Variants in PPM1H observed in about 807,000 individuals in gnomAD.
The protein encoded by PPM1H is protein phosphatase 1H.
A neutral mutation model predicts 54.9 loss-of-function variants in PPM1H; 27 were observed. The observed-to-expected ratio is 0.49, with a 90% CI of 0.36 to 0.68. The LOEUF is 0.68. Ranked by LOEUF, PPM1H falls within the 30% of genes least tolerant of loss-of-function variation. The probability of loss-of-function intolerance (pLI) is 0.00; values close to 1 mark genes in which losing one functional copy is unlikely to be tolerated. For missense variants in PPM1H, 596 were observed against 667.8 expected, an observed-to-expected ratio of 0.89 and a Z score of 1.19; for synonymous variants, 305 against 270.8, an observed-to-expected ratio of 1.13 and a Z score of -1.24.
chr12:62,790,452 G>A lies in PPM1H; in HGVS notation c.757-2114C>T, dbSNP rs181330774. ...CTGGGTGTGGTGGCACATGCCTGTAGTCTTAGCTACTTGGGAGGCTGAGGA... is the reference window on the plus strand; with the variant it reads ...CTGGGTGTGGTGGCACATGCCTGTAATCTTAGCTACTTGGGAGGCTGAGGA... On this transcript the variant is annotated intron_variant, in intron 3 of 9. Transcript: ENST00000228705. 1.4e-3 allele frequency among the ~76,000 whole-genome samples: 216 copies of A among 152,266 alleles called. 1 individual carries two copies. Among genetic ancestry groups the A allele is most frequent in the Non-Finnish European group, 2.5e-3 (172 of 68,026 alleles).
chr12:62,843,402 G>C (rs1046547149), intron 1 of PPM1H, among the ~76,000 whole-genome samples: 1 of 152,180 alleles, frequency 6.6e-6, no homozygotes, highest in Non-Finnish European at 1.5e-5. Context: ...CGTGAGAAAG[G>C]TGTTGTTATT....
chr12:62,880,983 C>A (rs1345878426), intron 1 of PPM1H, among the ~76,000 whole-genome samples: 1 of 152,198 alleles, frequency 6.6e-6, no homozygotes, highest in Non-Finnish European at 1.5e-5. Flanking sequence ...AGAACTTCAG[C>A]AAGCCACAGA....
At chr12:62,809,270 C>G (rs373514683) in intron 2 of PPM1H, among the ~76,000 whole-genome samples, 1 of 152,144 alleles carries the variant, frequency 6.6e-6, no homozygotes, top group Non-Finnish European at 1.5e-5. Flanking sequence ...AGGCTGGTCT[C>G]AAACTCCTGG....
At chr12:62,919,237 T>C (rs889071263) in intron 1 of PPM1H, among the ~76,000 whole-genome samples, 1 of 152,208 alleles carries the variant, frequency 6.6e-6, no homozygotes, top group African/African-American at 2.4e-5. Context: ...GTTAAAATAG[T>C]GTTCCTGAGG....
At chr12:62,913,608 G>C (rs539889649) in intron 1 of PPM1H, among the ~76,000 whole-genome samples, 3 of 152,156 alleles carry the variant, frequency 2.0e-5, no homozygotes, top group Non-Finnish European at 4.4e-5. Flanking sequence ...ACTCCTGCTA[G>C]ACAACTTCAG....
At position 62,647,217 on chromosome 12, in the gene PPM1H, C is replaced by A. The variant is rs2075790877; in HGVS notation, c.*1272G>T. On this transcript the variant is annotated 3_prime_UTR_variant, in exon 10 of 10. Coordinates refer to ENST00000228705, the MANE Select transcript of PPM1H (RefSeq NM_020700.2). ...ACTCAGATGTGGAACCATAGAGGGA[C>A]CTTGAGGAGCTGGGACATGATTCTT... is the stretch of plus-strand genomic sequence containing the variant. 1 of 152,238 alleles carries A rather than the reference C, an allele frequency of 6.6e-6. No homozygotes were observed. Among genetic ancestry groups the A allele is most frequent in the South Asian group, 2.1e-4 (1 of 4,824 alleles). The allele number at this position is 152,238 out of a possible 1,614,324, so 9.4% of individuals were successfully genotyped here.
At chr12:62,730,775 G>C (rs1226604041) in intron 5 of PPM1H, among the ~76,000 whole-genome samples, 1 of 152,146 alleles carries the variant, frequency 6.6e-6, no homozygotes, top group Admixed American at 6.5e-5. Flanking sequence ...AAGATAGAAA[G>C]TCTAAGGTCA....
chr12:62,692,330 G>A (rs2076087751), intron 7 of PPM1H, among the ~76,000 whole-genome samples: 2 of 152,166 alleles, frequency 1.3e-5, no homozygotes, highest in South Asian at 4.1e-4. Flanking sequence ...TACCTGAAAT[G>A]CTTGAGGAAC....
chr12:62,735,533 C>T (rs898118831), intron 5 of PPM1H, among the ~76,000 whole-genome samples: 1 of 152,280 alleles, frequency 6.6e-6, no homozygotes, highest in South Asian at 2.1e-4. Flanking sequence ...TTAAATCTTT[C>T]GTTCAGTAAA....
In PPM1H at chr12:62,754,494, G is replaced by A. The variant is rs113993599; in HGVS notation, c.870-16908C>T. Among the ~76,000 whole-genome samples, 613 of 152,304 alleles carry A rather than the reference G, an allele frequency of 4.0e-3. 4 individuals carry two copies. The highest frequency in any genetic ancestry group is 0.014 in the African/African-American group (584 of 41,556). On this transcript the variant is annotated intron_variant, in intron 4 of 9. Transcript: ENST00000228705. ...AGGTGAGAGAATGGTTTGAGCCCAGGAGGTAGAGGTTGCAGTGAGCCAAGA... is the reference window on the plus strand; with the variant it reads ...AGGTGAGAGAATGGTTTGAGCCCAGAAGGTAGAGGTTGCAGTGAGCCAAGA...
At chr12:62,656,314 C>T (rs1326827329) in intron 9 of PPM1H, among the ~76,000 whole-genome samples, 2 of 152,178 alleles carry the variant, frequency 1.3e-5, no homozygotes, top group Non-Finnish European at 2.9e-5. Flanking sequence ...GTGCAGACCT[C>T]CAAGGCTCCT....
chr12:62,689,758 C>A lies in PPM1H; in HGVS notation c.1186G>T (p.Asp396Tyr), dbSNP rs768648669. The change falls in exon 8 of 10, where the codon GAC (aspartate) becomes TAC (tyrosine). Residue 396 changes from aspartate to tyrosine, a missense_variant. Asp to Tyr is a radical substitution (Grantham distance 160). Around this residue, in one of 3 missense-constraint regions of PPM1H, gnomAD observed 208 missense variants for 259.5 expected, o/e 0.80. Coordinates refer to ENST00000228705, the MANE Select transcript of PPM1H (RefSeq NM_020700.2). ...ATGTTGGAGTCATGCACCTTCAGGTCATGGTCCCCAAGTCCCCTGGTCACT... is the reference window on the plus strand; with the variant it reads ...ATGTTGGAGTCATGCACCTTCAGGTAATGGTCCCCAAGTCCCCTGGTCACT... ...IGVTRGLGDHDLKVHDSNIYI... is the reference protein window; with the variant it reads ...IGVTRGLGDHYLKVHDSNIYI... 7 of 1,613,808 alleles carry A rather than the reference C, an allele frequency of 4.3e-6. No homozygotes were observed. The highest frequency in any genetic ancestry group is 5.9e-6 in the Non-Finnish European group (7 of 1,179,826).
At chr12:62,910,208 G>A (rs1430584912) in intron 1 of PPM1H, among the ~76,000 whole-genome samples, 1 of 152,158 alleles carries the variant, frequency 6.6e-6, no homozygotes, top group East Asian at 1.9e-4. Flanking sequence ...GAGAGGGGAG[G>A]ATGGAAGGGA....
intron 4 of PPM1H, among the ~76,000 whole-genome samples, chr12:62,765,997 G>T (rs1485923566): frequency 1.3e-5 from 2 of 152,222 alleles, no homozygotes; most frequent in African/African-American, 2.4e-5. Flanking sequence ...CAAGGAAGTG[G>T]TGTGGCCACC....
chr12:62,705,704 C>A (rs2076169253), intron 6 of PPM1H, among the ~76,000 whole-genome samples: 1 of 152,204 alleles, frequency 6.6e-6, no homozygotes. Context: ...ATTTAGCTCT[C>A]TCCACCGATA....
intron 1 of PPM1H, among the ~76,000 whole-genome samples, chr12:62,902,538 C>A (rs925548796): frequency 6.6e-6 from 1 of 152,178 alleles, no homozygotes; most frequent in South Asian, 2.1e-4. Flanking sequence ...TTCAGCACAG[C>A]CTGATAAGGC....
At chr12:62,771,446 A>G (rs1201408111) in intron 4 of PPM1H, among the ~76,000 whole-genome samples, 1 of 152,148 alleles carries the variant, frequency 6.6e-6, no homozygotes, top group Non-Finnish European at 1.5e-5. Context: ...ATATTGGCTA[A>G]GATGAATTAT....
chr12:62,648,315 G>C lies in PPM1H; in HGVS notation c.*174C>G. The C allele has an allele frequency of 2.7e-6, 2 of 737,532 alleles. No homozygotes were observed. The highest frequency in any genetic ancestry group is 1.8e-5 in the African/African-American group (1 of 56,740). 45.7% of individuals were successfully genotyped at this position (737,532 alleles called of 1,614,324 possible). A position where few individuals can be genotyped will look rare whatever the true frequency, so the allele number is the denominator to read the frequency against. On this transcript the variant is annotated 3_prime_UTR_variant, in exon 10 of 10. Coordinates refer to ENST00000228705, the MANE Select transcript of PPM1H (RefSeq NM_020700.2). ...GTTGAGTTGACCTGTTACTAAAGAAGAAATGGAAACCAAAGGGTCATCTTG... is the reference window on the plus strand; with the variant it reads ...GTTGAGTTGACCTGTTACTAAAGAACAAATGGAAACCAAAGGGTCATCTTG...
chr12:62,763,599 G>C (rs2076523837), intron 4 of PPM1H, among the ~76,000 whole-genome samples: 1 of 152,176 alleles, frequency 6.6e-6, no homozygotes, highest in African/African-American at 2.4e-5. Flanking sequence ...TGGGTAATTA[G>C]AACACTTGTC....
Sources: gnomAD v4.1 joint callset for allele counts (sites outside exome capture counted in the v4.1 genomes callset) on GRCh38, gnomAD v4.1.1 for gene constraint, gnomAD v4.1.1 regional missense constraint, MANE v1.5 for transcripts, NCBI Gene and HGNC (gene_info 2026-07-23, HGNC 2026-07-21) for gene names.